RGS22: variants seen among roughly 807,000 people sequenced by gnomAD.
RGS22 encodes the protein regulator of G-protein signaling 22.
In RGS22, 148 loss-of-function variants were observed where a neutral mutation model predicts 172.9. That is an observed-to-expected ratio of 0.86 (90% CI 0.75 to 0.98). The LOEUF (loss-of-function observed/expected upper bound fraction) is 0.98, where lower values mean the gene tolerates loss of function less well. RGS22 is among the 50% of genes least tolerant of loss of function. RGS22 has a pLI of 0.00. For synonymous variants in RGS22, 458 were observed against 480.2 expected (o/e 0.95, Z 0.60); for missense variants, 1,347 against 1,440.8 (o/e 0.93, Z 1.05).
intron 3 of RGS22, among the ~76,000 whole-genome samples, chr8:100,088,921 G>A (rs989863394): frequency 6.6e-6 from 1 of 151,984 alleles, no homozygotes; most frequent in African/African-American, 2.4e-5. Flanking sequence ...TGCTTTTGGT[G>A]GGGACTGAGG....
chr8:100,045,407 C>T (rs1820611132), intron 11 of RGS22, among the ~76,000 whole-genome samples: 1 of 152,194 alleles, frequency 6.6e-6, no homozygotes, highest in Non-Finnish European at 1.5e-5. Context: ...TCATCTGCCT[C>T]CTCCAGTCCT....
chr8:99,994,689 C>T (rs551049402), intron 20 of RGS22, among the ~76,000 whole-genome samples: 4 of 152,038 alleles, frequency 2.6e-5, no homozygotes, highest in African/African-American at 9.6e-5. Flanking sequence ...CCATACTGCC[C>T]AAAGTAATTT....
chr8:99,970,380 A>T (rs1370804514), intron 23 of RGS22, among the ~76,000 whole-genome samples: 3 of 152,190 alleles, frequency 2.0e-5, no homozygotes, highest in African/African-American at 7.2e-5. Context: ...AATAACTAAG[A>T]TCAGAGCAAA....
chr8:99,984,692 T>C (rs1308947072), intron 21 of RGS22, among the ~76,000 whole-genome samples: 1 of 152,128 alleles, frequency 6.6e-6, no homozygotes, highest in African/African-American at 2.4e-5. Flanking sequence ...CAGGGTAGAC[T>C]GTTTTGATCA....
At chr8:99,961,440 T>G (rs1336235126) in intron 27 of RGS22, among the ~76,000 whole-genome samples, 2 of 152,140 alleles carry the variant, frequency 1.3e-5, no homozygotes, top group African/African-American at 4.8e-5. Flanking sequence ...TGAGTTCTCA[T>G]GAGATCTGAT....
chr8:100,080,023 C>A (rs1811633328), intron 4 of RGS22, 111 bp downstream of exon 4: 2 of 758,628 alleles, frequency 2.6e-6, no homozygotes, highest in Non-Finnish European at 4.4e-6. Flanking sequence ...GTACGTACAA[C>A]ACAAGCTAAT....
intron 18 of RGS22, among the ~76,000 whole-genome samples, chr8:100,001,219 T>TATACATATATATATATATATAC (rs1402594104): frequency 2.3e-5 from 3 of 132,952 alleles, no homozygotes; most frequent in Admixed American, 8.1e-5. Context: ...TATATATATA[T>TATACATATATATATATATATAC]ACATATATAT....
At chr8:100,002,453 A>C (rs1165916563) in intron 17 of RGS22, 89 bp from the exon 18 acceptor site, 2 of 1,284,272 alleles carry the variant, frequency 1.6e-6, no homozygotes, top group African/African-American at 3.1e-5. Context: ...GACAGAACTT[A>C]GAAAGTGGCT....
chr8:99,962,739 A>G lies in RGS22; in HGVS notation c.3738T>C (p.Ala1246=). The change falls in exon 26 of 28, where the codon GCT becomes GCC. Residue 1246 remains alanine, a synonymous_variant. Transcript: ENST00000360863. ...AGLQPLTNFK[A]SSSTMSLKKN... ...TTTTCAAAGACATAGTTGAAGAGCTAGCCTTAAAATTTGTGAGAGGTTGCA... is the reference window on the plus strand; with the variant it reads ...TTTTCAAAGACATAGTTGAAGAGCTGGCCTTAAAATTTGTGAGAGGTTGCA... 6.2e-7 allele frequency: 1 copy of G among 1,612,080 alleles called. No homozygotes were observed. The highest frequency in any genetic ancestry group is 1.1e-5 in the South Asian group (1 of 90,412).
intron 5 of RGS22, among the ~76,000 whole-genome samples, chr8:100,071,912 A>C (rs1811010856): frequency 1.3e-5 from 2 of 152,186 alleles, no homozygotes; most frequent in African/African-American, 2.4e-5. Context: ...AATTTTTAAA[A>C]TATGGCTGGT....
rs59285481 is a variant in RGS22, at chr8:100,096,607, AT to A, written c.55-3099del. 2.1e-3 allele frequency among the ~76,000 whole-genome samples: 305 copies of A among 142,486 alleles called. 3 individuals carry two copies. Among genetic ancestry groups the A allele is most frequent in the South Asian group, 8.2e-3 (37 of 4,486 alleles). 93.5% of individuals were successfully genotyped at this position (142,486 alleles called of 152,430 possible). A position where few individuals can be genotyped will look rare whatever the true frequency, so the allele number is the denominator to read the frequency against. ...GCACCTTCAAATCAGATGAACTACAATTTTTTTTTTTTTTGAGACAGGTTCT... is the reference window on the plus strand; with the variant it reads ...GCACCTTCAAATCAGATGAACTACAATTTTTTTTTTTTTGAGACAGGTTCT... On this transcript the variant is annotated intron_variant, in intron 2 of 27. Coordinates refer to ENST00000360863, the MANE Select transcript of RGS22 (RefSeq NM_015668.5).
chr8:100,013,404 A>C (rs1004996701), intron 14 of RGS22, among the ~76,000 whole-genome samples: 11 of 152,118 alleles, frequency 7.2e-5, no homozygotes, highest in African/African-American at 2.4e-4. Flanking sequence ...GGATGCCTAC[A>C]TCTATTTCCC....
chr8:99,980,486 G>A (rs181141602), intron 22 of RGS22, among the ~76,000 whole-genome samples: 19 of 152,280 alleles, frequency 1.2e-4, no homozygotes, highest in African/African-American at 3.6e-4. Flanking sequence ...ATGAAATAGA[G>A]GGAAGACATG....
intron 4 of RGS22, among the ~76,000 whole-genome samples, chr8:100,079,739 G>A (rs1405688473): frequency 6.6e-6 from 1 of 152,094 alleles, no homozygotes; most frequent in Non-Finnish European, 1.5e-5. Flanking sequence ...AGGGAGGTCA[G>A]AGCCACACAA....
chr8:99,993,929 G>C (rs1468516168), intron 20 of RGS22, among the ~76,000 whole-genome samples: 1 of 152,210 alleles, frequency 6.6e-6, no homozygotes, highest in Non-Finnish European at 1.5e-5. Context: ...GATCAAGTCT[G>C]CTTCATCCCT....
At chr8:100,077,267 CTTTA>C (rs555973367) in intron 4 of RGS22, among the ~76,000 whole-genome samples, 4 of 151,696 alleles carry the variant, frequency 2.6e-5, no homozygotes, top group African/African-American at 9.7e-5. Context: ...TGATTCTGTT[CTTTA>C]TTTCTTTATT....
intron 14 of RGS22, among the ~76,000 whole-genome samples, chr8:100,023,765 C>T (rs189483179): frequency 2.0e-5 from 3 of 152,092 alleles, no homozygotes; most frequent in Non-Finnish European, 4.4e-5. Context: ...GTGCTGGCAT[C>T]TTCATTACAA....
intron 24 of RGS22, 151 bp downstream of exon 24, chr8:99,965,184 A>G: frequency 2.2e-6 from 1 of 457,724 alleles, no homozygotes; most frequent in Non-Finnish European, 3.9e-6. Context: ...TGAAGGCTCA[A>G]AGAAACTCCC....
At chr8:100,097,691 G>T (rs921062532) in intron 2 of RGS22, among the ~76,000 whole-genome samples, 3 of 152,108 alleles carry the variant, frequency 2.0e-5, no homozygotes, top group Non-Finnish European at 4.4e-5. Flanking sequence ...AATCAGCATC[G>T]TTGCCTCTAG....
Sources: gnomAD v4.1 joint callset for allele counts (sites outside exome capture counted in the v4.1 genomes callset) on GRCh38, gnomAD v4.1.1 for gene constraint, MANE v1.5 for transcripts, NCBI Gene and HGNC (gene_info 2026-07-23, HGNC 2026-07-21) for gene names.